Variants in TNS1 observed in about 807,000 individuals in gnomAD.
The protein encoded by TNS1 is tensin 1.
A neutral mutation model predicts 168.6 loss-of-function variants in TNS1; 62 were observed. That is an observed-to-expected ratio of 0.37 (90% CI 0.30 to 0.45). The LOEUF is 0.45. Ranked by LOEUF, TNS1 falls within the 20% of genes least tolerant of loss-of-function variation. The probability of loss-of-function intolerance (pLI) is 1.00; values close to 1 mark genes in which losing one functional copy is unlikely to be tolerated. For missense variants in TNS1, 2,240 were observed against 2,339.4 expected (o/e 0.96, Z 0.88); for synonymous variants, 934 against 933.2 (o/e 1.00, Z -0.02).
chr2:217,840,922 G>C (rs533009478), intron 19 of TNS1, among the ~76,000 whole-genome samples: 1 of 118,280 alleles, frequency 8.5e-6, no homozygotes, highest in Non-Finnish European at 1.7e-5. Flanking sequence ...GTGAGCTCTG[G>C]CTCATGCAGA....
intron 2 of TNS1, among the ~76,000 whole-genome samples, chr2:217,980,460 G>T (rs1475393877): frequency 1.3e-5 from 2 of 150,950 alleles, no homozygotes; most frequent in Admixed American, 6.6e-5. Context: ...CAACAGTGTG[G>T]GCTCCTTCCA....
chr2:217,882,104 G>A (rs1391161952), intron 17 of TNS1: 1 of 418,268 alleles, frequency 2.4e-6, no homozygotes, highest in Non-Finnish European at 4.2e-6. Flanking sequence ...GACCTAATGG[G>A]ACCAGAACAG....
intron 2 of TNS1, among the ~76,000 whole-genome samples, chr2:217,981,681 G>A (rs377301273): frequency 1.1e-4 from 16 of 152,098 alleles, no homozygotes; most frequent in African/African-American, 3.6e-4. Flanking sequence ...AGAAGCAACC[G>A]CCTCCAACCC....
At chr2:217,955,682 G>A (rs1283196727) in intron 3 of TNS1, among the ~76,000 whole-genome samples, 2 of 152,296 alleles carry the variant, frequency 1.3e-5, no homozygotes, top group African/African-American at 4.8e-5. Flanking sequence ...CATGACTGTG[G>A]CTATTTGACA....
intron 1 of TNS1, among the ~76,000 whole-genome samples, chr2:218,016,975 G>A (rs897813587): frequency 1.3e-5 from 2 of 152,172 alleles, no homozygotes; most frequent in Non-Finnish European, 2.9e-5. Context: ...AGGAGAGAAC[G>A]CAGCTGGCCA....
intron 3 of TNS1, among the ~76,000 whole-genome samples, chr2:217,925,189 A>C (rs541623983): frequency 4.6e-5 from 7 of 152,226 alleles, no homozygotes; most frequent in Non-Finnish European, 4.4e-5. Context: ...TTCTCAAACC[A>C]AACCCCTTTT....
At position 217,980,739 on chromosome 2, in the gene TNS1, GA is replaced by G. The variant is rs766161955; in HGVS notation, c.149-1938del. On this transcript the variant is annotated intron_variant, in intron 2 of 32. Transcript: ENST00000682258. ...ATCTCTAAGCATCCACCCCAGTCTA[GA>G]CATGAGGGACACAATGGGGGCCGGG... Among the ~76,000 whole-genome samples, 25 of 152,148 alleles carry G rather than the reference GA, an allele frequency of 1.6e-4. 1 individual carries two copies. The highest frequency in any genetic ancestry group is 3.1e-4 in the Non-Finnish European group (21 of 68,006).
chr2:217,956,310 G>C (rs1041471208), intron 3 of TNS1, among the ~76,000 whole-genome samples: 1 of 152,130 alleles, frequency 6.6e-6, no homozygotes, highest in Non-Finnish European at 1.5e-5. Context: ...GCCACTCTTT[G>C]AACTTTGGGC....
In TNS1 at chr2:217,849,040, T is replaced by C; in HGVS notation, c.1477A>G (p.Lys493Glu). 1 of 1,613,484 alleles carries C rather than the reference T, an allele frequency of 6.2e-7. No individual in the cohort carries two copies. Among genetic ancestry groups the C allele is most frequent in the Non-Finnish European group, 8.5e-7 (1 of 1,179,870 alleles). ...TGCAGGGAGTCTTTCTTCTTCACCT[T>C]AGCATACAGGCTCCCATCTAGTGGC... ...QGPLDGSLYAKVKKKDSLHGS... is the reference protein window; with the variant it reads ...QGPLDGSLYAEVKKKDSLHGS... The change falls in exon 19 of 33, where the codon AAG becomes GAG. Residue 493 changes from lysine (K) to glutamate (E), a missense_variant. Coordinates refer to ENST00000682258, the MANE Select transcript of TNS1 (RefSeq NM_001387777.1).
At chr2:217,931,478 G>A (rs933500552) in intron 3 of TNS1, among the ~76,000 whole-genome samples, 5 of 152,154 alleles carry the variant, frequency 3.3e-5, no homozygotes, top group Non-Finnish European at 7.3e-5. Flanking sequence ...GGTGCGGGGG[G>A]CTAAGCCAGG....
chr2:217,946,142 C>A (rs1559382215), intron 3 of TNS1, among the ~76,000 whole-genome samples: 1 of 152,182 alleles, frequency 6.6e-6, no homozygotes, highest in Non-Finnish European at 1.5e-5. Flanking sequence ...ACGGTCAGGC[C>A]TTTCTCGTAC....
chr2:217,927,861 G>A, intron 3 of TNS1, among the ~76,000 whole-genome samples: 1 of 152,194 alleles, frequency 6.6e-6, no homozygotes, highest in East Asian at 1.9e-4. Context: ...CAGCTTCTGA[G>A]CCCTGTTCTC....
chr2:218,023,648 G>A (rs915888947), intron 1 of TNS1, among the ~76,000 whole-genome samples: 1 of 152,124 alleles, frequency 6.6e-6, no homozygotes, highest in Non-Finnish European at 1.5e-5. Flanking sequence ...CCACCTTAAT[G>A]ATCTCACTAA....
At position 217,947,651 on chromosome 2, in the gene TNS1, C is replaced by T. The variant is rs183587275; in HGVS notation, c.187-27415G>A. On this transcript the variant is annotated intron_variant, in intron 3 of 32. Coordinates refer to ENST00000682258, the MANE Select transcript of TNS1 (RefSeq NM_001387777.1). ...CACTTCCACTGGAAGAGAAGGGACG[C>T]GACAGAAAGGGGACAAAGGACACAG... is the stretch of plus-strand genomic sequence containing the variant. Among the ~76,000 whole-genome samples, 7 of 152,078 alleles carry T rather than the reference C, an allele frequency of 4.6e-5. 1 individual carries two copies. The highest frequency in any genetic ancestry group is 2.0e-4 in the Admixed American group (3 of 15,286).
intron 3 of TNS1, among the ~76,000 whole-genome samples, chr2:217,967,292 G>A (rs1203794344): frequency 1.3e-5 from 2 of 152,148 alleles, no homozygotes; most frequent in African/African-American, 4.8e-5. Flanking sequence ...CTGCACTCCA[G>A]CCTGGGTGAC....
intron 19 of TNS1, among the ~76,000 whole-genome samples, chr2:217,840,529 C>T (rs1945805026): frequency 6.6e-6 from 1 of 152,260 alleles, no homozygotes; most frequent in Non-Finnish European, 1.5e-5. Flanking sequence ...GAGGTGGTCT[C>T]AGGCAGGGCC....
intron 3 of TNS1, among the ~76,000 whole-genome samples, chr2:217,946,871 A>G (rs1957118438): frequency 6.6e-6 from 1 of 151,372 alleles, no homozygotes; most frequent in Non-Finnish European, 1.5e-5. Flanking sequence ...TTTCCTCCTT[A>G]ATTCTAAGAG....
In TNS1 at chr2:217,813,865, C is replaced by A; in HGVS notation, c.4730-49G>T. 1 of 1,524,480 alleles carries A rather than the reference C, an allele frequency of 6.6e-7. No homozygotes were observed. Among genetic ancestry groups the A allele is most frequent in the South Asian group, 1.3e-5 (1 of 78,946 alleles). 94.4% of individuals were successfully genotyped at this position (1,524,480 alleles called of 1,614,324 possible). ...AGAGGAGGAAGCAAGACCTCGGTGG[C>A]GCTAGTTTTACTTAAGTCTCATTGA... On this transcript the variant is annotated intron_variant, in intron 25 of 32. Coordinates refer to ENST00000682258, the MANE Select transcript of TNS1 (RefSeq NM_001387777.1). The surrounding 1 kb of genome is among the most constrained non-coding windows in gnomAD (Gnocchi z 4.0).
chr2:217,814,823 C>A, intron 25 of TNS1, 89 bp downstream of exon 25: 1 of 1,103,744 alleles, frequency 9.1e-7, no homozygotes, highest in Non-Finnish European at 1.3e-6. Context: ...ACAAAGAGGA[C>A]TGAATTTGCC....
Sources: gnomAD v4.1 joint callset for allele counts (sites outside exome capture counted in the v4.1 genomes callset) on GRCh38, gnomAD v4.1.1 for gene constraint, Gnocchi (gnomAD v3.1) non-coding constraint, MANE v1.5 for transcripts, NCBI Gene and HGNC (gene_info 2026-07-23, HGNC 2026-07-21) for gene names.